The following KDM2A variants were observed in gnomAD, a reference collection of about 807,000 sequenced individuals.
KDM2A encodes lysine demethylase 2A.
A neutral mutation model predicts 137.3 loss-of-function variants in KDM2A; 3 were observed. The ratio of observed to expected loss-of-function variants is 0.02; its 90% CI spans 0.01 to 0.06. The LOEUF (loss-of-function observed/expected upper bound fraction) is 0.06, where lower values mean the gene tolerates loss of function less well. KDM2A is among the 10% of genes least tolerant of loss of function. The probability of loss-of-function intolerance (pLI) is 1.00; values close to 1 mark genes in which losing one functional copy is unlikely to be tolerated. For missense variants in KDM2A, 738 were observed against 1,510.6 expected, an observed-to-expected ratio of 0.49 and a Z score of 8.48; for synonymous variants, 512 against 541.5, an observed-to-expected ratio of 0.95 and a Z score of 0.76.
At chr11:67,171,032 G>T (rs1206434755) in intron 2 of KDM2A, among the ~76,000 whole-genome samples, 1 of 152,132 alleles carries the variant, frequency 6.6e-6, no homozygotes, top group Non-Finnish European at 1.5e-5. Flanking sequence ...ATCTCATAGG[G>T]ATGTTGGATT....
chr11:67,245,832 C>A lies in KDM2A; in HGVS notation c.1834-153C>A. Reference sequence around the variant, plus strand: ...TCCTCTTCCCCAGTCATTTTTCCTACCCAAAACCTCCGTTCTCTCCACCCT... The same window carrying A: ...TCCTCTTCCCCAGTCATTTTTCCTAACCAAAACCTCCGTTCTCTCCACCCT... On this transcript the variant is annotated intron_variant, in intron 14 of 20. Transcript: ENST00000529006. This position sits in a 1 kb window ranked among gnomAD's most constrained non-coding sequence, Gnocchi z 4.1. 1.1e-6 allele frequency: 1 copy of A among 879,176 alleles called. No homozygotes were observed. Among genetic ancestry groups the A allele is most frequent in the Non-Finnish European group, 1.7e-6 (1 of 589,664 alleles). 54.5% of individuals were successfully genotyped at this position (879,176 alleles called of 1,614,324 possible). A position where few individuals can be genotyped will look rare whatever the true frequency, so the allele number is the denominator to read the frequency against.
At position 67,247,247 on chromosome 11, in the gene KDM2A, G is replaced by A. The variant is rs571257435; in HGVS notation, c.1966-1034G>A. The stretch of plus-strand genomic sequence containing the variant: ...TGGGATTACAAGCACGTGCCACTGC[G>A]CCCAGCTAATTTTTGTGTTTTTAGT... On this transcript the variant is annotated intron_variant, in intron 15 of 20. Transcript: ENST00000529006. Among the ~76,000 whole-genome samples the A allele has an allele frequency of 5.4e-5, 8 of 148,372 alleles. No homozygotes were observed. The South Asian group carries it at 6.4e-4, about 12-fold the overall frequency.
intron 12 of KDM2A, among the ~76,000 whole-genome samples, chr11:67,234,889 G>A (rs555170272): frequency 6.6e-6 from 1 of 152,200 alleles, no homozygotes; most frequent in Admixed American, 6.5e-5. Flanking sequence ...GCTCATGCCT[G>A]TAGTCCCAGC....
intron 10 of KDM2A, among the ~76,000 whole-genome samples, chr11:67,226,340 A>G (rs972110778): frequency 6.6e-6 from 1 of 152,176 alleles, no homozygotes; most frequent in African/African-American, 2.4e-5. Flanking sequence ...GAAATAGACA[A>G]TCCTGATGAT....
chr11:67,165,994 A>G (rs560813055), intron 2 of KDM2A, among the ~76,000 whole-genome samples: 1 of 152,280 alleles, frequency 6.6e-6, no homozygotes, highest in African/African-American at 2.4e-5. Context: ...ATGACTTAAC[A>G]GTTGCATCAA....
At chr11:67,210,100 C>T (rs938738663) in intron 6 of KDM2A, among the ~76,000 whole-genome samples, 2 of 152,084 alleles carry the variant, frequency 1.3e-5, no homozygotes, top group Non-Finnish European at 2.9e-5. Flanking sequence ...AGCATGGTGG[C>T]TCATGCCTGT....
At chr11:67,170,302 G>A (rs543876410) in intron 2 of KDM2A, among the ~76,000 whole-genome samples, 2 of 150,144 alleles carry the variant, frequency 1.3e-5, no homozygotes, top group East Asian at 3.9e-4. Context: ...AATATAGCTA[G>A]AAATGTAGTG....
chr11:67,239,986 AC>A (rs879432892), intron 12 of KDM2A: 145 of 1,177,462 alleles, frequency 1.2e-4, no homozygotes, highest in Non-Finnish European at 1.4e-4. Flanking sequence ...CTGCAGCAGA[AC>A]GGCTGGGCCC....
rs879358615 is a variant in KDM2A, at chr11:67,168,582, T to TAATAAACACACAC, written c.43-11496_43-11495insATAAACACACACA. The stretch of plus-strand genomic sequence containing the variant: ...CACACACACAGTCTTGTATGAATTA[T>TAATAAACACACAC]ACACACACACACACACACACACACA... On this transcript the variant is annotated intron_variant, in intron 2 of 20. Coordinates refer to ENST00000529006, the MANE Select transcript of KDM2A (RefSeq NM_012308.3). Among the ~76,000 whole-genome samples, 3 of 33,984 alleles carry TAATAAACACACAC rather than the reference T, an allele frequency of 8.8e-5. 1 individual carries two copies. Among genetic ancestry groups the TAATAAACACACAC allele is most frequent in the African/African-American group, 4.0e-4 (3 of 7,498 alleles). 22.3% of individuals were successfully genotyped at this position (33,984 alleles called of 152,430 possible). A position where few individuals can be genotyped will look rare whatever the true frequency, so the allele number is the denominator to read the frequency against.
intron 6 of KDM2A, among the ~76,000 whole-genome samples, chr11:67,213,977 C>T (rs1858075750): frequency 6.6e-6 from 1 of 152,026 alleles, no homozygotes; most frequent in Non-Finnish European, 1.5e-5. Flanking sequence ...AACCTCCCAT[C>T]TTAGCCTCAC....
chr11:67,162,717 GT>G (rs1314735669), intron 2 of KDM2A, among the ~76,000 whole-genome samples: 1 of 150,484 alleles, frequency 6.6e-6, no homozygotes, highest in Non-Finnish European at 1.5e-5. Context: ...GCGATTTTTA[GT>G]TTTATTTTTT....
At chr11:67,129,584 A>G (rs1855804726) in intron 2 of KDM2A, among the ~76,000 whole-genome samples, 1 of 152,022 alleles carries the variant, frequency 6.6e-6, no homozygotes, top group Admixed American at 6.6e-5. Context: ...AATACAAAAA[A>G]TTAGCCGGGC....
At chr11:67,244,700 G>A (rs1237786681) in intron 13 of KDM2A, among the ~76,000 whole-genome samples, 1 of 152,094 alleles carries the variant, frequency 6.6e-6, no homozygotes, top group African/African-American at 2.4e-5. Flanking sequence ...AGCAGCCATT[G>A]ATTGGCCGGG....
At chr11:67,227,622 T>C (rs1268874448) in intron 10 of KDM2A, among the ~76,000 whole-genome samples, 1 of 152,088 alleles carries the variant, frequency 6.6e-6, no homozygotes, top group African/African-American at 2.4e-5. Flanking sequence ...CAGACTGGAG[T>C]GCAGAGGCGT....
At chr11:67,216,097 C>T in intron 8 of KDM2A, 148 bp downstream of exon 8, 2 of 706,870 alleles carry the variant, frequency 2.8e-6, no homozygotes, top group Non-Finnish European at 2.5e-6. Flanking sequence ...TTAAGTTCAC[C>T]TTCTTGGCTA....
chr11:67,244,960 TG>T, intron 13 of KDM2A: 1 of 485,220 alleles, frequency 2.1e-6, no homozygotes, highest in Non-Finnish European at 3.6e-6. Flanking sequence ...TATTCCAGCC[TG>T]GGTGACAAAG....
intron 5 of KDM2A, among the ~76,000 whole-genome samples, chr11:67,202,790 AAAG>A (rs1438182842): frequency 2.0e-5 from 3 of 151,850 alleles, no homozygotes; most frequent in African/African-American, 4.8e-5. Flanking sequence ...AAAAAAAAGA[AAAG>A]AAATTGTCGA....
intron 12 of KDM2A, chr11:67,240,165 C>T (rs1590818691): frequency 6.7e-7 from 1 of 1,496,616 alleles, no homozygotes; most frequent in Non-Finnish European, 8.9e-7. Flanking sequence ...CACGCTGCTC[C>T]CTCTGGGTAG....
chr11:67,130,057 G>A (rs953194780), intron 2 of KDM2A, among the ~76,000 whole-genome samples: 3 of 151,048 alleles, frequency 2.0e-5, no homozygotes, highest in Non-Finnish European at 4.4e-5. Flanking sequence ...CCGCCTCCCG[G>A]GTTCAAGTGA....
Sources: gnomAD v4.1 joint callset for allele counts (sites outside exome capture counted in the v4.1 genomes callset) on GRCh38, gnomAD v4.1.1 for gene constraint, Gnocchi (gnomAD v3.1) non-coding constraint, MANE v1.5 for transcripts, NCBI Gene and HGNC (gene_info 2026-07-23, HGNC 2026-07-21) for gene names.